ENPP3: variants seen among roughly 807,000 people sequenced by gnomAD.
ENPP3 encodes ectonucleotide pyrophosphatase/phosphodiesterase family member 3.
A neutral mutation model predicts 117.8 loss-of-function variants in ENPP3; 104 were observed. The observed-to-expected ratio is 0.88, with a 90% CI of 0.75 to 1.04. The LOEUF (loss-of-function observed/expected upper bound fraction) is 1.04. Among genes scored for constraint, ENPP3 ranks in the 50% least tolerant of loss-of-function variants. The pLI is 0.00. For missense variants in ENPP3, 1,026 were observed against 1,051.9 expected (o/e 0.98, Z 0.34); for synonymous variants, 380 against 349.9 (o/e 1.09, Z -0.96).
intron 11 of ENPP3, among the ~76,000 whole-genome samples, chr6:131,679,924 T>G (rs544791867): frequency 6.6e-6 from 1 of 152,306 alleles, no homozygotes; most frequent in East Asian, 1.9e-4. Flanking sequence ...TCTGCAGCAT[T>G]GTGTAACAGG....
At position 131,650,022 on chromosome 6, in the gene ENPP3, T is replaced by A. The variant is rs1338962872; in HGVS notation, c.155-5T>A. On this transcript the variant is annotated splice_region_variant and splice_polypyrimidine_tract_variant and intron_variant, in intron 2 of 24. Coordinates refer to ENST00000357639, the MANE Select transcript of ENPP3 (RefSeq NM_005021.5). ...TGTTCGGGCCCTATTTCCTTTACTT[T>A]GTAGGCAGCTGCAGGAAGAAGTGCT... 6.2e-7 allele frequency: 1 copy of A among 1,613,860 alleles called. No individual in the cohort carries two copies. Among genetic ancestry groups the A allele is most frequent in the Admixed American group, 1.7e-5 (1 of 60,002 alleles).
intron 14 of ENPP3, among the ~76,000 whole-genome samples, chr6:131,693,079 G>T (rs1298230545): frequency 3.5e-5 from 5 of 141,688 alleles, no homozygotes; most frequent in East Asian, 4.0e-4. Context: ...ATTATATATG[G>T]TTATATATTA....
chr6:131,683,425 G>A (rs1320220793), intron 12 of ENPP3, among the ~76,000 whole-genome samples: 1 of 152,120 alleles, frequency 6.6e-6, no homozygotes, highest in Non-Finnish European at 1.5e-5. Context: ...ACAGGGATGT[G>A]GTTGGGTTTT....
chr6:131,684,134 A>G (rs1197883644), intron 12 of ENPP3, among the ~76,000 whole-genome samples: 1 of 152,186 alleles, frequency 6.6e-6, no homozygotes, highest in Non-Finnish European at 1.5e-5. Flanking sequence ...AGGGTGGTCA[A>G]ACTGTCTTCT....
At chr6:131,726,222 T>G in intron 20 of ENPP3, 22 bp downstream of exon 20, 1 of 1,605,558 alleles carries the variant, frequency 6.2e-7, no homozygotes, top group Non-Finnish European at 8.5e-7. Flanking sequence ...AGTCCATTGA[T>G]CCATGCAGGC....
chr6:131,677,983 C>T, intron 11 of ENPP3, 43 bp downstream of exon 11: 1 of 1,206,518 alleles, frequency 8.3e-7, no homozygotes, highest in East Asian at 2.3e-5. Flanking sequence ...AATGTAAAAT[C>T]ATCTAACCCT....
chr6:131,641,876 G>GT (rs1778052565), intron 2 of ENPP3, among the ~76,000 whole-genome samples: 1 of 125,520 alleles, frequency 8.0e-6, no homozygotes, highest in East Asian at 2.5e-4. Flanking sequence ...ACTCACTGCA[G>GT]TTCCTCCCTG....
At chr6:131,674,596 T>G (rs1468250925) in intron 8 of ENPP3, among the ~76,000 whole-genome samples, 1 of 151,252 alleles carries the variant, frequency 6.6e-6, no homozygotes, top group Non-Finnish European at 1.5e-5. Context: ...TTTTTTGAGA[T>G]GGAGTCTTGC....
intron 15 of ENPP3, chr6:131,700,797 G>A (rs1487188674): frequency 6.9e-7 from 1 of 1,447,032 alleles, no homozygotes; most frequent in East Asian, 2.6e-5. Flanking sequence ...CCCAGAAATT[G>A]CTCCGGCCAA....
chr6:131,661,834 C>T (rs1778507342), intron 6 of ENPP3, among the ~76,000 whole-genome samples: 1 of 152,128 alleles, frequency 6.6e-6, no homozygotes, highest in African/African-American at 2.4e-5. Context: ...GTGTTTTCCC[C>T]CATTTCATAT....
At chr6:131,678,951 T>TTCTTTC in intron 11 of ENPP3, among the ~76,000 whole-genome samples, 1 of 103,646 alleles carries the variant, frequency 9.6e-6, no homozygotes, top group Non-Finnish European at 1.7e-5. Flanking sequence ...CTTTCTTTCT[T>TTCTTTC]TCTTTCTTTC....
In ENPP3 at chr6:131,683,129, AACTGTGTC is replaced by A; in HGVS notation, c.1089_1096del (p.Asn363LysfsTer7). 2 of 1,609,972 alleles carry A rather than the reference AACTGTGTC, an allele frequency of 1.2e-6. No individual in the cohort carries two copies. Among genetic ancestry groups the A allele is most frequent in the Non-Finnish European group, 1.7e-6 (2 of 1,176,362 alleles). ...AGGCCTGAAGCAGCGGAATTTGCAC[AACTGTGTC>A]AATATCATCCTTCTGGCTGACCATG... On this transcript the variant is annotated frameshift_variant, in exon 12 of 25. Transcript: ENST00000357639. LOFTEE classifies it high-confidence loss of function.
chr6:131,700,810 C>T (rs1422619501), intron 15 of ENPP3: 1 of 1,386,878 alleles, frequency 7.2e-7, no homozygotes, highest in South Asian at 1.2e-5. Flanking sequence ...CCGGCCAAGA[C>T]CATGTTCTCA....
intron 2 of ENPP3, among the ~76,000 whole-genome samples, chr6:131,649,541 C>T (rs538103823): frequency 1.1e-4 from 16 of 152,168 alleles, no homozygotes; most frequent in Middle Eastern, 3.4e-3. Context: ...ACTCCTTGTA[C>T]ATATCAATGT....
chr6:131,657,185 C>T (rs532508786), intron 5 of ENPP3, among the ~76,000 whole-genome samples: 29 of 152,066 alleles, frequency 1.9e-4, no homozygotes, highest in Non-Finnish European at 3.8e-4. Context: ...ATTGAGGTAT[C>T]CTATAGTTCA....
At chr6:131,734,344 C>G (rs1220918866) in intron 21 of ENPP3, among the ~76,000 whole-genome samples, 1 of 152,068 alleles carries the variant, frequency 6.6e-6, no homozygotes. Context: ...TGTGATTTTC[C>G]TAAAACTCAA....
Position 131,722,329 on chromosome 6 carries a change from C to CA in ENPP3, c.1673dup (p.Phe559ValfsTer8). On this transcript the variant is annotated frameshift_variant, in exon 18 of 25. Transcript: ENST00000357639. LOFTEE classifies it high-confidence loss of function. ...GAGCCATCCCATGCAGAGGAGGTGTCAAAGTTTTCTGTTTGTGGCTTTGCT... is the reference window on the plus strand; with the variant it reads ...GAGCCATCCCATGCAGAGGAGGTGTCAAAAGTTTTCTGTTTGTGGCTTTGCT... 1 of 1,614,038 alleles carries CA rather than the reference C, an allele frequency of 6.2e-7. No individual in the cohort carries two copies. Among genetic ancestry groups the CA allele is most frequent in the South Asian group, 1.1e-5 (1 of 91,074 alleles).
intron 15 of ENPP3, chr6:131,710,050 T>C (rs1468776484): frequency 8.7e-6 from 14 of 1,612,658 alleles, no homozygotes; most frequent in Non-Finnish European, 1.2e-5. Context: ...AACATTTAAC[T>C]TAGCAGCATG....
chr6:131,735,388 C>T (rs913526666), intron 21 of ENPP3, among the ~76,000 whole-genome samples: 2 of 151,954 alleles, frequency 1.3e-5, no homozygotes, highest in African/African-American at 4.8e-5. Context: ...CTACAAACAC[C>T]ATATGAAATC....
Sources: gnomAD v4.1 joint callset for allele counts (sites outside exome capture counted in the v4.1 genomes callset) on GRCh38, gnomAD v4.1.1 for gene constraint, MANE v1.5 for transcripts, NCBI Gene and HGNC (gene_info 2026-07-23, HGNC 2026-07-21) for gene names.